The following TRIM2 variants were observed in gnomAD, a reference collection of about 807,000 sequenced individuals.
The protein encoded by TRIM2 is tripartite motif-containing protein 2.
Under a neutral mutation model 75.2 loss-of-function variants are expected in TRIM2, and 20 were observed. The ratio of observed to expected loss-of-function variants is 0.27; its 90% CI spans 0.19 to 0.39. The LOEUF (loss-of-function observed/expected upper bound fraction) is 0.39, where lower values mean the gene tolerates loss of function less well. Ranked by LOEUF, TRIM2 falls within the 10% of genes least tolerant of loss-of-function variation. The probability of loss-of-function intolerance (pLI) is 1.00; values close to 1 mark genes in which losing one functional copy is unlikely to be tolerated. For synonymous variants in TRIM2, 373 were observed against 388.3 expected (o/e 0.96, Z 0.46); for missense variants, 660 against 990.8 (o/e 0.67, Z 4.48).
chr4:153,257,864 T>A (rs11932849), intron 1 of TRIM2: 3 of 330,654 alleles, frequency 9.1e-6, no homozygotes, highest in Non-Finnish European at 1.8e-5. Context: ...TCTCTCATGG[T>A]GATGCTGCAT....
intron 1 of TRIM2, among the ~76,000 whole-genome samples, chr4:153,161,873 T>A (rs11099873): frequency 0.45 from 67,758 of 152,002 alleles, 16,198 homozygotes; most frequent in Non-Finnish European, 0.55. Context: ...TTAGGGAACA[T>A]AAAGTTGCAA....
upstream of TRIM2, among the ~76,000 whole-genome samples, chr4:153,203,103 C>CCA (rs1368822876): frequency 5.7e-5 from 5 of 87,326 alleles, no homozygotes; most frequent in Admixed American, 1.2e-4. Flanking sequence ...GACTCCATCT[C>CCA]AAAAAAAAAA....
intron 7 of TRIM2, 21 bp from the exon 8 acceptor site, chr4:153,315,811 T>A: frequency 6.2e-7 from 1 of 1,612,838 alleles, no homozygotes; most frequent in Non-Finnish European, 8.5e-7. Context: ...CACATTCCAA[T>A]GAATGTAATT....
intron 1 of TRIM2, among the ~76,000 whole-genome samples, chr4:153,213,141 C>G (rs555831184): frequency 3.0e-4 from 45 of 152,290 alleles, no homozygotes; most frequent in African/African-American, 1.1e-3. Flanking sequence ...AGTCAGCCCA[C>G]TATTACTGTT....
At chr4:153,260,694 C>A (rs1579079255) in intron 1 of TRIM2, among the ~76,000 whole-genome samples, 1 of 51,382 alleles carries the variant, frequency 1.9e-5, no homozygotes, top group Non-Finnish European at 3.4e-5. Flanking sequence ...ACACCCACCC[C>A]CCCCCCCACA....
At chr4:153,291,011 G>A (rs1761738196) in intron 3 of TRIM2, among the ~76,000 whole-genome samples, 1 of 151,660 alleles carries the variant, frequency 6.6e-6, no homozygotes, top group Non-Finnish European at 1.5e-5. Flanking sequence ...CTGCAGAGGA[G>A]CAAAGTACAT....
chr4:153,273,212 A>C (rs1032786125), intron 2 of TRIM2, among the ~76,000 whole-genome samples: 9 of 148,530 alleles, frequency 6.1e-5, no homozygotes, highest in Non-Finnish European at 1.3e-4. Context: ...TAGGACCCCC[A>C]TGTTCAGCCT....
chr4:153,311,382 T>C (rs1479841970), intron 6 of TRIM2, among the ~76,000 whole-genome samples: 1 of 151,286 alleles, frequency 6.6e-6, no homozygotes, highest in Non-Finnish European at 1.5e-5. Context: ...GCTGCTACTG[T>C]CTGCATGGTC....
chr4:153,330,766 A>T (rs1771295658), intron 11 of TRIM2, among the ~76,000 whole-genome samples: 1 of 152,232 alleles, frequency 6.6e-6, no homozygotes, highest in Non-Finnish European at 1.5e-5. Context: ...ACTTCATAGT[A>T]AAAGACTGAA....
chr4:153,288,410 C>T (rs1282215921), intron 3 of TRIM2, among the ~76,000 whole-genome samples: 1 of 152,094 alleles, frequency 6.6e-6, no homozygotes, highest in Non-Finnish European at 1.5e-5. Flanking sequence ...GCACTCCAGC[C>T]TGGGTGACAG....
At chr4:153,333,072 T>C (rs191312606) in intron 11 of TRIM2, among the ~76,000 whole-genome samples, 10 of 152,336 alleles carry the variant, frequency 6.6e-5, no homozygotes, top group African/African-American at 2.4e-4. Context: ...ATAACCCAGA[T>C]GTCTTTCAAT....
Position 153,316,004 on chromosome 4 carries a change from G to C in TRIM2, c.1782+5G>C. On this transcript the variant is annotated splice_donor_5th_base_variant and intron_variant, in intron 8 of 11. Transcript: ENST00000338700. The stretch of plus-strand genomic sequence containing the variant: ...TCCTCCGATGGGAAATTTAAGGTAA[G>C]ATTAACTACTAATTGTTCACTAAAC... 1 of 1,556,808 alleles carries C rather than the reference G, an allele frequency of 6.4e-7. No individual in the cohort carries two copies. The highest frequency in any genetic ancestry group is 8.7e-7 in the Non-Finnish European group (1 of 1,154,390).
intron 1 of TRIM2, among the ~76,000 whole-genome samples, chr4:153,262,582 G>A (rs1046334231): frequency 6.6e-6 from 1 of 152,144 alleles, no homozygotes; most frequent in Non-Finnish European, 1.5e-5. Flanking sequence ...CAATAGTGAT[G>A]TTATCTGTAG....
At chr4:153,180,028 T>C (rs1159586500) in intron 1 of TRIM2, among the ~76,000 whole-genome samples, 3 of 152,236 alleles carry the variant, frequency 2.0e-5, no homozygotes, top group African/African-American at 4.8e-5. Flanking sequence ...AAGTGAGTTT[T>C]ATGTGAGCTG....
intron 3 of TRIM2, among the ~76,000 whole-genome samples, chr4:153,276,959 C>A (rs1401208985): frequency 1.3e-5 from 2 of 152,126 alleles, no homozygotes; most frequent in Non-Finnish European, 2.9e-5. Flanking sequence ...AACATTTTTT[C>A]ATTAATTACT....
intron 6 of TRIM2, among the ~76,000 whole-genome samples, chr4:153,314,800 CT>C (rs113196897): frequency 0.02 from 2,990 of 152,208 alleles, 95 homozygotes; most frequent in African/African-American, 0.068. Flanking sequence ...ATTTTTATAA[CT>C]ATCTGTGGCC....
chr4:153,332,761 A>G (rs1023358027), intron 11 of TRIM2, among the ~76,000 whole-genome samples: 5 of 152,228 alleles, frequency 3.3e-5, no homozygotes, highest in Non-Finnish European at 7.3e-5. Context: ...AATTAAGACC[A>G]TGGTGAGATA....
At chr4:153,282,924 G>A (rs970092727) in intron 3 of TRIM2, among the ~76,000 whole-genome samples, 1 of 151,324 alleles carries the variant, frequency 6.6e-6, no homozygotes, top group African/African-American at 2.4e-5. Context: ...GAGTAACTGG[G>A]ACTATAGGCG....
chr4:153,330,274 A>G (rs1397661165), intron 11 of TRIM2, among the ~76,000 whole-genome samples: 1 of 152,250 alleles, frequency 6.6e-6, no homozygotes, highest in South Asian at 2.1e-4. Flanking sequence ...TTTCTTCCAG[A>G]AAATAGAAGA....
Sources: allele counts gnomAD v4.1 joint callset (sites outside exome capture counted in the v4.1 genomes callset), GRCh38; gene constraint gnomAD v4.1.1; transcripts MANE v1.5; gene names NCBI Gene and HGNC (gene_info 2026-07-23, HGNC 2026-07-21).